Variants in ZNF433 observed in about 807,000 individuals in gnomAD.
ZNF433 encodes the protein zinc finger protein 433.
Under a neutral mutation model 10.6 loss-of-function variants are expected in ZNF433, and 12 were observed. That is an observed-to-expected ratio of 1.13 (90% confidence interval 0.72 to 1.83). The LOEUF is 1.83. Ranked by LOEUF, ZNF433 falls within the 40% of genes most tolerant of loss-of-function variation. The pLI, the probability that ZNF433 is intolerant of heterozygous loss-of-function variation, is 0.00. For synonymous variants in ZNF433, 272 were observed against 271.3 expected, an observed-to-expected ratio of 1.00 and a Z score of -0.02; for missense variants, 737 against 798.0, an observed-to-expected ratio of 0.92 and a Z score of 0.92.
At chr19:12,030,835 T>C (rs1244884398) in intron 1 of ZNF433, among the ~76,000 whole-genome samples, 3 of 152,126 alleles carry the variant, frequency 2.0e-5, no homozygotes, top group African/African-American at 7.2e-5. Context: ...TCCCAGCACT[T>C]TTGGAGGTGG....
rs749208782 is a variant in ZNF433, at chr19:12,015,054, G to A, written c.1804C>T (p.Leu602Phe). The A allele has an allele frequency of 1.9e-6, 3 of 1,613,140 alleles. No homozygotes were observed. The South Asian group carries it at 3.3e-5, about 18-fold the overall frequency. ...CGKSFGCASRLQMHGRTHTGE... is the reference protein window; with the variant it reads ...CGKSFGCASRFQMHGRTHTGE... ...GTGTGAGTCCTTCCATGCATTTGAA[G>A]TCGCGAGGCACATCCAAAAGACTTC... Residue 602 changes from leucine to phenylalanine, a missense_variant, in exon 4 of 4, where the codon CTT (leucine) becomes TTT (phenylalanine). Leu to Phe is a conservative substitution (Grantham distance 22). Transcript: ENST00000550507.
intron 1 of ZNF433, chr19:12,025,032 C>G (rs1974670935): frequency 6.6e-6 from 1 of 152,156 alleles, no homozygotes; most frequent in African/African-American, 2.4e-5. Flanking sequence ...TGGATTCTCC[C>G]TAAAATAACT....
chr19:12,022,015 CA>C (rs758129944), intron 1 of ZNF433: 11 of 456,050 alleles, frequency 2.4e-5, no homozygotes, highest in South Asian at 1.7e-4. Flanking sequence ...GTGTTGGGAA[CA>C]GGCCCCCAAA....
In ZNF433 at chr19:12,016,198, C is replaced by T. The variant is rs564750625; in HGVS notation, c.660G>A (p.Glu220=). Residue 220 remains glutamate, a synonymous_variant, in exon 4 of 4, where the codon GAG becomes GAA. Coordinates refer to ENST00000550507, the MANE Select transcript of ZNF433 (RefSeq NM_001308348.2). ...YLIHKRTHTG[E]KPYQCKQCGK... The stretch of plus-strand genomic sequence containing the variant: ...CACACTGTTTACATTGATATGGTTT[C>T]TCTCCAGTGTGAGTTCGTTTGTGGA... 5.6e-6 allele frequency: 9 copies of T among 1,614,226 alleles called. No individual in the cohort carries two copies. The highest frequency in any genetic ancestry group is 6.8e-6 in the Non-Finnish European group (8 of 1,180,038).
intron 1 of ZNF433, among the ~76,000 whole-genome samples, chr19:12,021,396 C>T (rs1354916162): frequency 6.6e-6 from 1 of 152,190 alleles, no homozygotes; most frequent in Non-Finnish European, 1.5e-5. Context: ...CACAGAGAAT[C>T]TCTCCCACCA....
chr19:12,015,888 TG>T lies in ZNF433; in HGVS notation c.969del (p.Arg324AspfsTer344), dbSNP rs1974159046. On this transcript the variant is annotated frameshift_variant, in exon 4 of 4. Transcript: ENST00000550507. LOFTEE classifies it low-confidence loss of function (END_TRUNC). ...TTCCTAGAGTGGGTTCTTTCATGTC[TG>T]CGAACAGAACTGGGACACTTGAATG... ...GKAFKCPSSV[R>X]RHERTHSRKK... 6.2e-7 allele frequency: 1 copy of T among 1,613,938 alleles called. No homozygotes were observed. The highest frequency in any genetic ancestry group is 8.5e-7 in the Non-Finnish European group (1 of 1,179,938).
At position 12,016,667 on chromosome 19, in the gene ZNF433, C is replaced by T. The variant is rs911588817; in HGVS notation, c.192-1G>A. On this transcript the variant is annotated splice_acceptor_variant, in intron 3 of 3. Coordinates refer to ENST00000550507, the MANE Select transcript of ZNF433 (RefSeq NM_001308348.2). LOFTEE classifies it high-confidence loss of function. ...TTCAAAGAGTCTCTCTCCCACAATT[C>T]TGTGAACAATAAGAAGTACATTATA... 6.2e-7 allele frequency: 1 copy of T among 1,612,520 alleles called. No homozygotes were observed. The highest frequency in any genetic ancestry group is 1.3e-5 in the African/African-American group (1 of 74,804).
rs1414656590 is a variant in ZNF433, at chr19:12,016,496, C to T, written c.362G>A (p.Arg121Lys). ...SAHSSLNRHI[R>K]DDTGHKAYEY... ...ATATGCCTTGTGTCCAGTGTCATCTCTGATGTGCCTATTAAGAGATGAATG... is the reference window on the plus strand; with the variant it reads ...ATATGCCTTGTGTCCAGTGTCATCTTTGATGTGCCTATTAAGAGATGAATG... The change falls in exon 4 of 4, where the codon AGA (arginine) becomes AAA (lysine). Residue 121 changes from arginine (R) to lysine (K), a missense_variant. Transcript: ENST00000550507. 4.3e-6 allele frequency: 7 copies of T among 1,614,056 alleles called. No homozygotes were observed. The African/African-American group carries it at 9.3e-5, about 22-fold the overall frequency.
intron 1 of ZNF433, among the ~76,000 whole-genome samples, chr19:12,028,822 G>A (rs777599920): frequency 9.2e-5 from 14 of 152,138 alleles, no homozygotes; most frequent in Non-Finnish European, 1.8e-4. Context: ...TTCCTGAGTA[G>A]ATGATAATAC....
At chr19:12,025,421 T>C (rs1195040838) in intron 1 of ZNF433, 1 of 152,252 alleles carries the variant, frequency 6.6e-6, no homozygotes, top group Non-Finnish European at 1.5e-5. Flanking sequence ...ATCAAATGGC[T>C]GATGGCCTAG....
chr19:12,035,618 C>A lies in ZNF433; in HGVS notation c.-79G>T. Reference sequence around the variant, plus strand: ...AGAAGCTATGGCAGAGGCACCTGAACCCTCTCGGAGGGGAAAGCCAGGCTC... The same window carrying A: ...AGAAGCTATGGCAGAGGCACCTGAAACCTCTCGGAGGGGAAAGCCAGGCTC... On this transcript the variant is annotated 5_prime_UTR_variant, in exon 1 of 4. Coordinates refer to ENST00000550507, the MANE Select transcript of ZNF433 (RefSeq NM_001308348.2). The A allele has an allele frequency of 1.3e-6, 2 of 1,535,666 alleles. No homozygotes were observed. Among genetic ancestry groups the A allele is most frequent in the Non-Finnish European group, 1.8e-6 (2 of 1,137,322 alleles).
chr19:12,031,294 CA>C lies in ZNF433; in HGVS notation c.3+4242del, dbSNP rs536658747. On this transcript the variant is annotated intron_variant, in intron 1 of 3. Coordinates refer to ENST00000550507, the MANE Select transcript of ZNF433 (RefSeq NM_001308348.2). Reference sequence around the variant, plus strand: ...TTGTTGATAGAGTGAGACTCCATCTCAAAAAAAAAAAAAAAACAAAACAAAA... The same window carrying C: ...TTGTTGATAGAGTGAGACTCCATCTCAAAAAAAAAAAAAAACAAAACAAAA... Among the ~76,000 whole-genome samples the C allele has an allele frequency of 0.012, 428 of 36,466 alleles. 5 individuals carry two copies. In the East Asian group the frequency reaches 0.16, roughly 14 times the overall value. The allele number at this position is 36,466 out of a possible 152,430, so 23.9% of individuals were successfully genotyped here. A position where few individuals can be genotyped will look rare whatever the true frequency, so the allele number is the denominator to read the frequency against.
Position 12,016,232 on chromosome 19 carries a change from A to C in ZNF433, c.626T>G (p.Leu209Trp), listed in dbSNP as rs748084535. ...FCGKALMFLS[L>W]YLIHKRTHTG... Reference sequence around the variant, plus strand: ...GTGAGTTCGTTTGTGGATAAGATACAAACTGAGAAACATCAAGGCTTTCCC... The same window carrying C: ...GTGAGTTCGTTTGTGGATAAGATACCAACTGAGAAACATCAAGGCTTTCCC... The change falls in exon 4 of 4, where the codon TTG (leucine) becomes TGG (tryptophan). Residue 209 changes from leucine (L) to tryptophan (W), a missense_variant. Physicochemically the swap from Leu to Trp is moderately conservative, Grantham distance 61. Transcript: ENST00000550507. 5.6e-6 allele frequency: 9 copies of C among 1,614,198 alleles called. No individual in the cohort carries two copies. Among genetic ancestry groups the C allele is most frequent in the Non-Finnish European group, 7.6e-6 (9 of 1,180,038 alleles).
chr19:12,016,489 G>T lies in ZNF433; in HGVS notation c.369C>A (p.Asp123Glu). The stretch of plus-strand genomic sequence containing the variant: ...GATACTCATATGCCTTGTGTCCAGT[G>T]TCATCTCTGATGTGCCTATTAAGAG... ...HSSLNRHIRDDTGHKAYEYQE... is the reference protein window; with the variant it reads ...HSSLNRHIRDETGHKAYEYQE... The change falls in exon 4 of 4, where the codon GAC becomes GAA. Residue 123 changes from aspartate (D) to glutamate (E), a missense_variant. Transcript: ENST00000550507. The T allele has an allele frequency of 6.2e-7, 1 of 1,614,108 alleles. No homozygotes were observed. The highest frequency in any genetic ancestry group is 8.5e-7 in the Non-Finnish European group (1 of 1,180,006).
chr19:12,014,785 G>T lies in ZNF433; in HGVS notation c.*60C>A. 7.9e-7 allele frequency: 1 copy of T among 1,270,412 alleles called. No homozygotes were observed. Among genetic ancestry groups the T allele is most frequent in the Middle Eastern group, 2.1e-4 (1 of 4,740 alleles). 78.7% of individuals were successfully genotyped at this position (1,270,412 alleles called of 1,614,324 possible). ...AACAGAGTCTCACTATGTTGCCCAG[G>T]CTGGTCTTGAACTCCTGGGCTTAAG... On this transcript the variant is annotated 3_prime_UTR_variant, in exon 4 of 4. Coordinates refer to ENST00000550507, the MANE Select transcript of ZNF433 (RefSeq NM_001308348.2).
chr19:12,018,402 T>C (rs1974322558), intron 1 of ZNF433, 110 bp from the exon 2 acceptor site: 1 of 1,304,710 alleles, frequency 7.7e-7, no homozygotes, highest in South Asian at 1.9e-5. Flanking sequence ...AAACAATTAT[T>C]CCATGACCAT....
chr19:12,027,093 A>G, intron 1 of ZNF433: 1 of 450,570 alleles, frequency 2.2e-6, no homozygotes, highest in Non-Finnish European at 4.4e-6. Context: ...CAAATATTTA[A>G]AGCATCCCAG....
chr19:12,019,701 GA>G (rs991418774), intron 1 of ZNF433, among the ~76,000 whole-genome samples: 7 of 152,112 alleles, frequency 4.6e-5, no homozygotes, highest in Non-Finnish European at 7.4e-5. Flanking sequence ...CATGCATAAT[GA>G]AAATATGCTA....
Position 12,016,581 on chromosome 19 carries a change from T to C in ZNF433, c.277A>G (p.Lys93Glu). Residue 93 changes from lysine to glutamate, a missense_variant, in exon 4 of 4, where the codon AAA becomes GAA. Coordinates refer to ENST00000550507, the MANE Select transcript of ZNF433 (RefSeq NM_001308348.2). ...LTQVPDDMLK[K>E]TTTGVKSCES... ...CATGATTTTACTCCAGTAGTTGTTT[T>C]CTTCAGCATGTCATCTGGAACCTGG... is the stretch of plus-strand genomic sequence containing the variant. The C allele has an allele frequency of 3.1e-6, 5 of 1,614,180 alleles. No individual in the cohort carries two copies. Among genetic ancestry groups the C allele is most frequent in the Non-Finnish European group, 4.2e-6 (5 of 1,180,032 alleles).
Sources: gnomAD v4.1 joint callset for allele counts (sites outside exome capture counted in the v4.1 genomes callset) on GRCh38, gnomAD v4.1.1 for gene constraint, MANE v1.5 for transcripts, NCBI Gene and HGNC (gene_info 2026-07-23, HGNC 2026-07-21) for gene names.